The following TPD52 variants were observed in gnomAD, a reference collection of about 807,000 sequenced individuals.
The protein encoded by TPD52 is tumor protein D52.
In TPD52, 17 loss-of-function variants were observed where a neutral mutation model predicts 31.3. The ratio of observed to expected loss-of-function variants is 0.54; its 90% CI spans 0.37 to 0.82. The LOEUF is 0.82. Ranked by LOEUF, TPD52 falls within the 40% of genes least tolerant of loss-of-function variation. The pLI, the probability that TPD52 is intolerant of heterozygous loss-of-function variation, is 0.00. For synonymous variants in TPD52, 83 were observed against 89.6 expected (o/e 0.93, Z 0.42); for missense variants, 212 against 240.1 (o/e 0.88, Z 0.77).
At chr8:80,118,841 C>T (rs1172206725) in intron 1 of TPD52, among the ~76,000 whole-genome samples, 1 of 152,186 alleles carries the variant, frequency 6.6e-6, no homozygotes, top group African/African-American at 2.4e-5. Context: ...AGTACAGTCA[C>T]TTCAGAAAAC....
chr8:80,063,577 C>T (rs1488367114), intron 2 of TPD52, among the ~76,000 whole-genome samples: 1 of 152,098 alleles, frequency 6.6e-6, no homozygotes, highest in Non-Finnish European at 1.5e-5. Flanking sequence ...GCAGGTGGAT[C>T]ACTTAAGGTC....
At chr8:80,094,388 T>A (rs1464518194) in intron 1 of TPD52, among the ~76,000 whole-genome samples, 1 of 138,776 alleles carries the variant, frequency 7.2e-6, no homozygotes. Context: ...TCCTTTGCAG[T>A]TAGATGTGGC....
chr8:80,074,296 A>G (rs1422642551), intron 1 of TPD52, among the ~76,000 whole-genome samples: 1 of 152,244 alleles, frequency 6.6e-6, no homozygotes, highest in African/African-American at 2.4e-5. Flanking sequence ...AATTCAAAGT[A>G]TCTTTAGTGG....
rs1397374612 is a variant in TPD52 at position 80,035,985 on chromosome 8, CCTCA to C, written c.*2127_*2130del. 3.2e-4 allele frequency: 49 copies of C among 152,272 alleles called. No individual in the cohort carries two copies. Among genetic ancestry groups the C allele is most frequent in the African/African-American group, 1.1e-3 (44 of 41,558 alleles). 9.4% of individuals were successfully genotyped at this position (152,272 alleles called of 1,614,324 possible). ...AATTCATGTTTTTTTCTAAATCCAT[CCTCA>C]CTCTTTTTAATACTTCTTTCAAGGG... On this transcript the variant is annotated 3_prime_UTR_variant, in exon 8 of 8. Coordinates refer to ENST00000518937, the MANE Select transcript of TPD52 (RefSeq NM_001025253.3).
At chr8:80,106,264 T>C (rs893764121) in intron 1 of TPD52, among the ~76,000 whole-genome samples, 3 of 152,196 alleles carry the variant, frequency 2.0e-5, no homozygotes, top group Non-Finnish European at 2.9e-5. Flanking sequence ...TCCAATTATA[T>C]TCTTAGTTAT....
intron 1 of TPD52, among the ~76,000 whole-genome samples, chr8:80,094,029 T>C (rs1187399362): frequency 6.6e-6 from 1 of 152,192 alleles, no homozygotes; most frequent in African/African-American, 2.4e-5. Flanking sequence ...TATTAATCAC[T>C]GTGAAGGCTC....
chr8:80,120,082 G>T (rs1808151079), intron 1 of TPD52, among the ~76,000 whole-genome samples: 1 of 151,680 alleles, frequency 6.6e-6, no homozygotes, highest in Admixed American at 6.6e-5. Context: ...GACAGCCTGA[G>T]AGAAAATATT....
At position 80,171,546 on chromosome 8, in the gene TPD52, C is replaced by T. The variant is rs1812105150; in HGVS notation, c.-103G>A. The T allele has an allele frequency of 1.2e-5, 17 of 1,369,410 alleles. No individual in the cohort carries two copies. The highest frequency in any genetic ancestry group is 1.6e-5 in the Non-Finnish European group (17 of 1,063,552). 84.8% of individuals were successfully genotyped at this position (1,369,410 alleles called of 1,614,324 possible). On this transcript the variant is annotated 5_prime_UTR_variant, in exon 1 of 8. Transcript: ENST00000518937. ...GCGCAGAGCTCCTCCTCGCCTCCGC[C>T]GGCGACTCCCGCGAAGTCCCCACCC...
intron 1 of TPD52, chr8:80,080,242 A>G: frequency 7.1e-7 from 1 of 1,418,018 alleles, no homozygotes. Context: ...TAACAATTTT[A>G]AAGCCAGGCA....
intron 1 of TPD52, among the ~76,000 whole-genome samples, chr8:80,147,617 G>A (rs1810286190): frequency 6.6e-6 from 1 of 152,130 alleles, no homozygotes; most frequent in African/African-American, 2.4e-5. Flanking sequence ...ACTACATGTG[G>A]CAGCGGCCAC....
intron 1 of TPD52, among the ~76,000 whole-genome samples, chr8:80,086,178 C>T (rs574294974): frequency 7.4e-5 from 9 of 122,050 alleles, no homozygotes; most frequent in African/African-American, 2.3e-4. Context: ...AGTGCAGTGT[C>T]GTGATCTTGA....
At chr8:80,081,139 ACTTTT>A (rs10568728) in intron 1 of TPD52, among the ~76,000 whole-genome samples, 31 of 145,092 alleles carry the variant, frequency 2.1e-4, no homozygotes, top group African/African-American at 6.7e-4. Flanking sequence ...CTTCAGACTG[ACTTTT>A]CTTTTCTCTC....
At chr8:80,033,099 C>T (rs1434702614), downstream of TPD52, 1 of 152,332 alleles carries the variant, frequency 6.6e-6, no homozygotes, top group Admixed American at 6.5e-5. Context: ...GCAGCTGGAC[C>T]AGATGGACCA....
chr8:80,099,722 G>A (rs970665773), intron 1 of TPD52, among the ~76,000 whole-genome samples: 1 of 152,078 alleles, frequency 6.6e-6, no homozygotes, highest in African/African-American at 2.4e-5. Context: ...TGTTGGCCAG[G>A]CTGGTCTTGA....
intron 1 of TPD52, among the ~76,000 whole-genome samples, chr8:80,153,704 A>G (rs560674923): frequency 2.6e-5 from 4 of 152,314 alleles, no homozygotes; most frequent in Admixed American, 2.0e-4. Context: ...TCAGTAAAAT[A>G]TTGGTGATAA....
Position 80,037,940 on chromosome 8 carries a change from G to T in TPD52, c.*176C>A. Reference sequence around the variant, plus strand: ...ATGTACACTAAAGGGTGTTTCCCAAGAATAGAGGTGAAGATATTTTCATTT... The same window carrying T: ...ATGTACACTAAAGGGTGTTTCCCAATAATAGAGGTGAAGATATTTTCATTT... On this transcript the variant is annotated 3_prime_UTR_variant, in exon 8 of 8. Transcript: ENST00000518937. 1.3e-6 allele frequency: 1 copy of T among 776,534 alleles called. No homozygotes were observed. Among genetic ancestry groups the T allele is most frequent in the Non-Finnish European group, 2.0e-6 (1 of 507,958 alleles). The allele number at this position is 776,534 out of a possible 1,614,324, so 48.1% of individuals were successfully genotyped here. A position where few individuals can be genotyped will look rare whatever the true frequency, so the allele number is the denominator to read the frequency against.
intron 1 of TPD52, among the ~76,000 whole-genome samples, chr8:80,094,013 C>G (rs1165832303): frequency 2.0e-5 from 3 of 152,138 alleles, no homozygotes; most frequent in Admixed American, 2.0e-4. Context: ...ACCATAATAA[C>G]TGCTGTATTA....
intron 5 of TPD52, among the ~76,000 whole-genome samples, chr8:80,046,381 G>C (rs1294599160): frequency 6.6e-6 from 1 of 152,056 alleles, no homozygotes; most frequent in African/African-American, 2.4e-5. Flanking sequence ...ATTCTATCTG[G>C]TTGCTGGATC....
At chr8:80,134,437 C>G (rs923494070) in intron 1 of TPD52, among the ~76,000 whole-genome samples, 5 of 152,208 alleles carry the variant, frequency 3.3e-5, no homozygotes, top group Non-Finnish European at 4.4e-5. Flanking sequence ...ATTCTCTGAA[C>G]TAGGCATGAC....
Sources: allele counts gnomAD v4.1 joint callset (sites outside exome capture counted in the v4.1 genomes callset), GRCh38; gene constraint gnomAD v4.1.1; transcripts MANE v1.5; gene names NCBI Gene and HGNC (gene_info 2026-07-23, HGNC 2026-07-21).